Variants in SH3GL2 observed in about 807,000 individuals in gnomAD.
SH3GL2 encodes the protein endophilin-A1.
SH3GL2 carries 24 observed loss-of-function variants against 46.0 expected under a neutral mutation model. The ratio of observed to expected loss-of-function variants is 0.52; its 90% CI spans 0.38 to 0.73. SH3GL2 has a LOEUF of 0.73. Among genes scored for constraint, SH3GL2 ranks in the 30% least tolerant of loss-of-function variants. The pLI, the probability that SH3GL2 is intolerant of heterozygous loss-of-function variation, is 0.00. For synonymous variants in SH3GL2, 196 were observed against 147.1 expected, an observed-to-expected ratio of 1.33 and a Z score of -2.40; for missense variants, 413 against 424.2, an observed-to-expected ratio of 0.97 and a Z score of 0.23.
At chr9:17,736,310 G>A (rs1822333531) in intron 1 of SH3GL2, among the ~76,000 whole-genome samples, 2 of 152,068 alleles carry the variant, frequency 1.3e-5, no homozygotes, top group South Asian at 4.1e-4. Context: ...ACCTCAGACA[G>A]GAATCCATCT....
intron 1 of SH3GL2, among the ~76,000 whole-genome samples, chr9:17,725,478 G>A (rs1821998263): frequency 6.6e-6 from 1 of 152,042 alleles, no homozygotes; most frequent in African/African-American, 2.4e-5. Context: ...TCTTAGGCGT[G>A]AACTTCTCCC....
chr9:17,633,920 T>TGG (rs1819486886), intron 1 of SH3GL2, among the ~76,000 whole-genome samples: 2 of 152,202 alleles, frequency 1.3e-5, no homozygotes, highest in Non-Finnish European at 1.5e-5. Flanking sequence ...CAGTGTCCTT[T>TGG]GGCAACCCCT....
chr9:17,706,062 C>T (rs893368426), intron 1 of SH3GL2, among the ~76,000 whole-genome samples: 10 of 151,796 alleles, frequency 6.6e-5, no homozygotes, highest in African/African-American at 2.2e-4. Flanking sequence ...AAGTATTAGT[C>T]GATGATATCA....
chr9:17,613,634 G>A (rs1818918304), intron 1 of SH3GL2, among the ~76,000 whole-genome samples: 1 of 152,140 alleles, frequency 6.6e-6, no homozygotes, highest in African/African-American at 2.4e-5. Context: ...AAGACCTTGT[G>A]TGGAATGCCT....
intron 1 of SH3GL2, among the ~76,000 whole-genome samples, chr9:17,584,631 T>A (rs1818338687): frequency 6.6e-6 from 1 of 152,232 alleles, no homozygotes; most frequent in Non-Finnish European, 1.5e-5. Context: ...CTGCATTAAT[T>A]TAGCAGCAAT....
chr9:17,777,309 G>C (rs1365977811), intron 3 of SH3GL2, among the ~76,000 whole-genome samples: 1 of 151,918 alleles, frequency 6.6e-6, no homozygotes, highest in Non-Finnish European at 1.5e-5. Context: ...AAAAGCTTCA[G>C]AAATCCATGT....
At chr9:17,699,700 G>A (rs1821298393) in intron 1 of SH3GL2, among the ~76,000 whole-genome samples, 1 of 152,180 alleles carries the variant, frequency 6.6e-6, no homozygotes, top group Admixed American at 6.5e-5. Flanking sequence ...AAGACCACGT[G>A]CCTCTTTGAA....
At chr9:17,675,218 C>T (rs1476652023) in intron 1 of SH3GL2, among the ~76,000 whole-genome samples, 1 of 152,150 alleles carries the variant, frequency 6.6e-6, no homozygotes, top group African/African-American at 2.4e-5. Flanking sequence ...ACTTAGGAGA[C>T]AGTGCAATAA....
chr9:17,597,986 G>C (rs1818605419), intron 1 of SH3GL2, among the ~76,000 whole-genome samples: 1 of 152,148 alleles, frequency 6.6e-6, no homozygotes, highest in Non-Finnish European at 1.5e-5. Flanking sequence ...CCGTGGAACT[G>C]GCAGTGCAGT....
chr9:17,733,991 A>G (rs979378229), intron 1 of SH3GL2, among the ~76,000 whole-genome samples: 2 of 152,036 alleles, frequency 1.3e-5, no homozygotes, highest in Non-Finnish European at 1.5e-5. Context: ...AGTGTACTAA[A>G]GAACTCTGGT....
At chr9:17,672,254 A>C (rs1005732687) in intron 1 of SH3GL2, among the ~76,000 whole-genome samples, 1 of 152,188 alleles carries the variant, frequency 6.6e-6, no homozygotes, top group African/African-American at 2.4e-5. Flanking sequence ...GCAGGAAAGG[A>C]AAATTTTAGA....
chr9:17,701,224 C>G (rs1821336909), intron 1 of SH3GL2, among the ~76,000 whole-genome samples: 1 of 152,140 alleles, frequency 6.6e-6, no homozygotes, highest in Admixed American at 6.5e-5. Flanking sequence ...AGGAATCAGA[C>G]TGACTACAAA....
chr9:17,731,973 G>T (rs1536077), intron 1 of SH3GL2, among the ~76,000 whole-genome samples: 4,556 of 152,186 alleles, frequency 0.03, 87 homozygotes, highest in African/African-American at 0.048. Flanking sequence ...AGGTAGTCAG[G>T]TTCTGACCTG....
In SH3GL2 at chr9:17,720,626, G is replaced by A. The variant is rs190136150; in HGVS notation, c.46-26440G>A. On this transcript the variant is annotated intron_variant, in intron 1 of 8. Transcript: ENST00000380607. ...CTAGTTAGGTTACAGTTCACTACCT[G>A]CTAAGAAACCTTTAGGCTGAACCTA... Among the ~76,000 whole-genome samples the A allele has an allele frequency of 1.7e-3, 256 of 152,086 alleles. 1 individual carries two copies. Among genetic ancestry groups the A allele is most frequent in the Middle Eastern group, 0.014 (4 of 294 alleles).
At chr9:17,602,614 A>T (rs577106086) in intron 1 of SH3GL2, among the ~76,000 whole-genome samples, 1 of 152,286 alleles carries the variant, frequency 6.6e-6, no homozygotes, top group Admixed American at 6.5e-5. Flanking sequence ...AGTATAAAAA[A>T]ACTTTAATAT....
intron 1 of SH3GL2, among the ~76,000 whole-genome samples, chr9:17,680,361 G>A (rs1048985529): frequency 6.6e-6 from 1 of 151,916 alleles, no homozygotes; most frequent in Non-Finnish European, 1.5e-5. Flanking sequence ...GTCTTGGGAG[G>A]GTGTATGTGT....
At chr9:17,687,344 T>C (rs1486249862) in intron 1 of SH3GL2, among the ~76,000 whole-genome samples, 2 of 152,102 alleles carry the variant, frequency 1.3e-5, no homozygotes, top group Non-Finnish European at 2.9e-5. Flanking sequence ...ACAAGTATTA[T>C]TTTGGGATTT....
intron 1 of SH3GL2, among the ~76,000 whole-genome samples, chr9:17,654,986 G>C (rs11999457): frequency 0.015 from 2,343 of 152,218 alleles, 80 homozygotes; most frequent in African/African-American, 0.053. Flanking sequence ...ACCATAGTTT[G>C]GTGTTTTGCA....
At chr9:17,688,081 T>C (rs1284623949) in intron 1 of SH3GL2, among the ~76,000 whole-genome samples, 1 of 152,130 alleles carries the variant, frequency 6.6e-6, no homozygotes, top group Non-Finnish European at 1.5e-5. Context: ...AAGTTCATCT[T>C]TTCCAGTCTC....
Sources: allele counts gnomAD v4.1 joint callset (sites outside exome capture counted in the v4.1 genomes callset), GRCh38; gene constraint gnomAD v4.1.1; transcripts MANE v1.5; gene names NCBI Gene and HGNC (gene_info 2026-07-23, HGNC 2026-07-21).